The following C10orf90 variants were observed in gnomAD, a reference collection of about 807,000 sequenced individuals.
The protein encoded by C10orf90 is (E2-independent) E3 ubiquitin-conjugating enzyme FATS.
C10orf90 carries 56 observed loss-of-function variants against 62.5 expected under a neutral mutation model. That is an observed-to-expected ratio of 0.90 (90% CI 0.72 to 1.12). C10orf90 has a LOEUF of 1.12. Ranked by LOEUF, C10orf90 falls within the 50% of genes most tolerant of loss-of-function variation. C10orf90 has a pLI of 0.00. For missense variants in C10orf90, 970 were observed against 880.4 expected (o/e 1.10, Z -1.29); for synonymous variants, 386 against 340.4 (o/e 1.13, Z -1.47).
At chr10:126,521,374 C>G in intron 2 of C10orf90, 1 of 1,613,054 alleles carries the variant, frequency 6.2e-7, no homozygotes, top group Non-Finnish European at 8.5e-7. Flanking sequence ...CTTTTAATGA[C>G]AAGGATGTAT....
chr10:126,525,843 C>T (rs999552649), intron 2 of C10orf90, among the ~76,000 whole-genome samples: 16 of 152,098 alleles, frequency 1.1e-4, no homozygotes, highest in African/African-American at 3.6e-4. Context: ...AGTTCTTTGG[C>T]TTTTTGTTTT....
chr10:126,532,687 A>G (rs1340874640), intron 2 of C10orf90, among the ~76,000 whole-genome samples: 2 of 149,928 alleles, frequency 1.3e-5, no homozygotes, highest in Admixed American at 6.6e-5. Flanking sequence ...AATACAAAAA[A>G]TTAGCCGGGC....
intron 2 of C10orf90, among the ~76,000 whole-genome samples, chr10:126,549,893 C>T (rs1336335841): frequency 6.6e-6 from 1 of 151,956 alleles, no homozygotes; most frequent in Non-Finnish European, 1.5e-5. Flanking sequence ...AAGAATAACA[C>T]CAAGTGCAAA....
chr10:126,555,490 A>G (rs896337155), intron 2 of C10orf90, among the ~76,000 whole-genome samples: 24 of 146,212 alleles, frequency 1.6e-4, no homozygotes, highest in Admixed American at 3.5e-4. Flanking sequence ...CCTGGCCAAC[A>G]TGGTGAAACC....
At chr10:126,597,276 A>G (rs1845106182) in intron 2 of C10orf90, among the ~76,000 whole-genome samples, 1 of 152,256 alleles carries the variant, frequency 6.6e-6, no homozygotes, top group Non-Finnish European at 1.5e-5. Flanking sequence ...CTGCATGATC[A>G]CATTGGTGGT....
chr10:126,645,838 C>A (rs575265466), intron 2 of C10orf90, among the ~76,000 whole-genome samples: 1 of 152,182 alleles, frequency 6.6e-6, no homozygotes, highest in African/African-American at 2.4e-5. Context: ...CAAACACACA[C>A]ATAATCTCAT....
intron 2 of C10orf90, among the ~76,000 whole-genome samples, chr10:126,612,040 G>T (rs1044217780): frequency 3.3e-5 from 5 of 152,210 alleles, no homozygotes; most frequent in African/African-American, 9.6e-5. Context: ...TCAAGAGTCG[G>T]CCAGACGCTG....
intron 1 of C10orf90, among the ~76,000 whole-genome samples, chr10:126,666,426 T>A (rs1411272678): frequency 1.3e-5 from 2 of 152,126 alleles, no homozygotes; most frequent in Non-Finnish European, 2.9e-5. Context: ...CAAAGAAGCA[T>A]GACCCATAAT....
intron 2 of C10orf90, among the ~76,000 whole-genome samples, chr10:126,611,533 T>C (rs149032145): frequency 1.4e-3 from 211 of 152,360 alleles, no homozygotes; most frequent in Non-Finnish European, 1.5e-3. Flanking sequence ...CATATGGTAA[T>C]TCTACATTTA....
chr10:126,652,663 T>C (rs2366866), intron 1 of C10orf90, among the ~76,000 whole-genome samples: 70,890 of 152,022 alleles, frequency 0.47, 17,408 homozygotes, highest in Non-Finnish European at 0.55. Flanking sequence ...GCAGCAAGGA[T>C]GAAGCACTTG....
At chr10:126,605,252 A>C (rs1196282399) in intron 2 of C10orf90, among the ~76,000 whole-genome samples, 1 of 152,192 alleles carries the variant, frequency 6.6e-6, no homozygotes, top group Non-Finnish European at 1.5e-5. Flanking sequence ...TGGTGCGCCA[A>C]GCCAAAGGAA....
intron 2 of C10orf90, among the ~76,000 whole-genome samples, chr10:126,598,708 A>C (rs916742405): frequency 6.6e-6 from 1 of 152,194 alleles, no homozygotes; most frequent in Non-Finnish European, 1.5e-5. Context: ...GGGTAAGCTT[A>C]TTCAGTGGTG....
chr10:126,553,248 T>C (rs1864679492), intron 2 of C10orf90, among the ~76,000 whole-genome samples: 1 of 152,162 alleles, frequency 6.6e-6, no homozygotes, highest in Admixed American at 6.5e-5. Context: ...AGAAAGGATA[T>C]TTACAATACG....
At chr10:126,505,831 G>C (rs2886744) in intron 3 of C10orf90, among the ~76,000 whole-genome samples, 3 of 152,170 alleles carry the variant, frequency 2.0e-5, no homozygotes, top group Non-Finnish European at 2.9e-5. Flanking sequence ...GCACATGCCT[G>C]TAATCCCAGC....
intron 4 of C10orf90, among the ~76,000 whole-genome samples, chr10:126,473,037 T>C (rs1860665288): frequency 6.6e-6 from 1 of 152,208 alleles, no homozygotes; most frequent in African/African-American, 2.4e-5. Context: ...GTAACTACTA[T>C]GTGCCAGGAA....
At chr10:126,659,893 A>G (rs1846473826) in intron 1 of C10orf90, among the ~76,000 whole-genome samples, 1 of 152,224 alleles carries the variant, frequency 6.6e-6, no homozygotes, top group Admixed American at 6.5e-5. Context: ...TACCGCATGC[A>G]CTTCTGTTTA....
At chr10:126,434,913 G>A (rs916636327) in intron 7 of C10orf90, among the ~76,000 whole-genome samples, 2 of 152,140 alleles carry the variant, frequency 1.3e-5, no homozygotes, top group African/African-American at 4.8e-5. Flanking sequence ...AACCAAATTA[G>A]CCCTCCAGAA....
At chr10:126,498,525 A>G (rs556189160) in intron 4 of C10orf90, among the ~76,000 whole-genome samples, 1 of 152,292 alleles carries the variant, frequency 6.6e-6, no homozygotes, top group East Asian at 1.9e-4. Flanking sequence ...GTTTCAGAGC[A>G]TTATGGAGTC....
At chr10:126,631,286 C>T (rs76359588) in intron 2 of C10orf90, among the ~76,000 whole-genome samples, 8 of 152,150 alleles carry the variant, frequency 5.3e-5, no homozygotes, top group Non-Finnish European at 8.8e-5. Context: ...ACTACTCACG[C>T]CATTTCTTGG....
Sources: allele counts gnomAD v4.1 joint callset (sites outside exome capture counted in the v4.1 genomes callset), GRCh38; gene constraint gnomAD v4.1.1; transcripts MANE v1.5; gene names NCBI Gene and HGNC (gene_info 2026-07-23, HGNC 2026-07-21).